The following THSD4 variants were observed in gnomAD, a reference collection of about 807,000 sequenced individuals.
THSD4 encodes the protein thrombospondin type-1 domain-containing protein 4.
A neutral mutation model predicts 119.0 loss-of-function variants in THSD4; 69 were observed. The ratio of observed to expected loss-of-function variants is 0.58; its 90% CI spans 0.48 to 0.71. The LOEUF (loss-of-function observed/expected upper bound fraction) is 0.71, where lower values mean the gene tolerates loss of function less well. Ranked by LOEUF, THSD4 falls within the 30% of genes least tolerant of loss-of-function variation. THSD4 has a pLI of 0.00. For synonymous variants in THSD4, 524 were observed against 540.4 expected (o/e 0.97, Z 0.42); for missense variants, 1,393 against 1,391.1 (o/e 1.00, Z -0.02).
At chr15:71,548,594 T>C (rs1038811690) in intron 7 of THSD4, among the ~76,000 whole-genome samples, 5 of 152,210 alleles carry the variant, frequency 3.3e-5, no homozygotes, top group African/African-American at 1.2e-4. Flanking sequence ...TTTTCACTTA[T>C]TAGTTACTCA....
intron 8 of THSD4, among the ~76,000 whole-genome samples, chr15:71,694,826 C>T (rs2052129126): frequency 6.6e-6 from 1 of 152,066 alleles, no homozygotes. Flanking sequence ...CACACTAGAC[C>T]CCACAGGACC....
chr15:71,402,693 G>A (rs1303012065), intron 6 of THSD4, among the ~76,000 whole-genome samples: 1 of 152,172 alleles, frequency 6.6e-6, no homozygotes, highest in African/African-American at 2.4e-5. Flanking sequence ...TAACCTTGAG[G>A]GAGGCAGCTC....
chr15:71,562,175 A>C (rs978112350), intron 7 of THSD4, among the ~76,000 whole-genome samples: 36 of 152,312 alleles, frequency 2.4e-4, no homozygotes, highest in African/African-American at 8.7e-4. Context: ...GGCTTCTGAG[A>C]CCTTTAGGCA....
intron 8 of THSD4, among the ~76,000 whole-genome samples, chr15:71,716,168 G>C (rs1361468980): frequency 2.0e-5 from 3 of 152,094 alleles, no homozygotes; most frequent in Non-Finnish European, 2.9e-5. Flanking sequence ...CCTAACTCCA[G>C]TTCCAGCCTT....
intron 7 of THSD4, among the ~76,000 whole-genome samples, chr15:71,587,787 T>TAAAAAAAAAAAAAAAAAAAAAAAAATAAA (rs1207231444): frequency 9.5e-6 from 1 of 105,570 alleles, no homozygotes. Flanking sequence ...AAAAAAAAAT[T>TAAAAAAAAAAAAAAAAAAAAAAAAATAAA]AAAAAAAAAA....
intron 4 of THSD4, among the ~76,000 whole-genome samples, chr15:71,239,621 T>C (rs898743914): frequency 6.6e-6 from 1 of 152,160 alleles, no homozygotes; most frequent in African/African-American, 2.4e-5. Flanking sequence ...TAAAGTAAAA[T>C]CCCAGAGATG....
At chr15:71,194,002 C>G (rs2044155) in intron 3 of THSD4, among the ~76,000 whole-genome samples, 1 of 152,024 alleles carries the variant, frequency 6.6e-6, no homozygotes, top group East Asian at 1.9e-4. Context: ...TGAGCCACCG[C>G]GCCCGGCCTG....
chr15:71,749,083 G>A (rs1166675779), intron 14 of THSD4, among the ~76,000 whole-genome samples: 1 of 152,234 alleles, frequency 6.6e-6, no homozygotes, highest in Non-Finnish European at 1.5e-5. Flanking sequence ...AGGGAAAACA[G>A]TCATATATTA....
intron 7 of THSD4, among the ~76,000 whole-genome samples, chr15:71,653,649 A>G (rs1218651535): frequency 6.6e-6 from 1 of 152,214 alleles, no homozygotes; most frequent in East Asian, 1.9e-4. Context: ...GGAGGATGAG[A>G]AGCTAGGTTT....
intron 7 of THSD4, among the ~76,000 whole-genome samples, chr15:71,553,013 T>C (rs2048956236): frequency 6.6e-6 from 1 of 152,212 alleles, no homozygotes; most frequent in Admixed American, 6.5e-5. Context: ...TTAAAGGTTC[T>C]TCTTTACCCT....
intron 6 of THSD4, among the ~76,000 whole-genome samples, chr15:71,294,945 A>T (rs1289202861): frequency 1.3e-5 from 2 of 150,154 alleles, no homozygotes. Flanking sequence ...AAAAAAATAC[A>T]GTCTTGTTTC....
At chr15:71,548,806 G>A (rs2048881700) in intron 7 of THSD4, among the ~76,000 whole-genome samples, 1 of 152,174 alleles carries the variant, frequency 6.6e-6, no homozygotes, top group South Asian at 2.1e-4. Flanking sequence ...ACTCAGCCTG[G>A]AGCATTTAAG....
At chr15:71,731,404 G>C (rs1321256976) in intron 10 of THSD4, 187 bp downstream of exon 10, 1 of 599,426 alleles carries the variant, frequency 1.7e-6, no homozygotes, top group Non-Finnish European at 3.0e-6. Flanking sequence ...CTTCACTGAT[G>C]AGACTGTTTC....
At chr15:71,468,145 A>G (rs531995327) in intron 7 of THSD4, among the ~76,000 whole-genome samples, 26 of 152,270 alleles carry the variant, frequency 1.7e-4, no homozygotes, top group African/African-American at 6.3e-4. Context: ...CACTGCGCCC[A>G]GCCAATCTGA....
intron 6 of THSD4, among the ~76,000 whole-genome samples, chr15:71,343,408 A>G (rs2045608556): frequency 6.6e-6 from 1 of 152,204 alleles, no homozygotes; most frequent in Admixed American, 6.5e-5. Flanking sequence ...TTAGTGGTTT[A>G]AAACAACAAA....
At chr15:71,504,640 A>C (rs1795736730) in intron 7 of THSD4, among the ~76,000 whole-genome samples, 1 of 152,196 alleles carries the variant, frequency 6.6e-6, no homozygotes. Context: ...TATTTACAGA[A>C]AAGTTGCAAA....
At chr15:71,473,430 C>T (rs571798759) in intron 7 of THSD4, among the ~76,000 whole-genome samples, 1 of 152,282 alleles carries the variant, frequency 6.6e-6, no homozygotes, top group South Asian at 2.1e-4. Flanking sequence ...TTCTCCAGGC[C>T]ATACCCCAGC....
chr15:71,615,233 G>A (rs903627803), intron 7 of THSD4, among the ~76,000 whole-genome samples: 1 of 152,184 alleles, frequency 6.6e-6, no homozygotes, highest in African/African-American at 2.4e-5. Context: ...TGAGATTTCT[G>A]TGATGCATGG....
At chr15:71,128,200 A>G (rs532133319) in intron 1 of THSD4, among the ~76,000 whole-genome samples, 1 of 151,666 alleles carries the variant, frequency 6.6e-6, no homozygotes, top group Admixed American at 6.6e-5. Context: ...AGCAACAGAT[A>G]TAAAAATAGA....
Sources: gnomAD v4.1 joint callset for allele counts (sites outside exome capture counted in the v4.1 genomes callset) on GRCh38, gnomAD v4.1.1 for gene constraint, MANE v1.5 for transcripts, NCBI Gene and HGNC (gene_info 2026-07-23, HGNC 2026-07-21) for gene names.